The following DOCK3 variants were observed in gnomAD, a reference collection of about 807,000 sequenced individuals.
DOCK3 encodes the protein dedicator of cytokinesis protein 3.
Under a neutral mutation model 265.6 loss-of-function variants are expected in DOCK3, and 60 were observed. That is an observed-to-expected ratio of 0.23 (90% confidence interval 0.18 to 0.28). The LOEUF is 0.28. DOCK3 is among the 10% of genes least tolerant of loss of function. The probability of loss-of-function intolerance (pLI) is 1.00; values close to 1 mark genes in which losing one functional copy is unlikely to be tolerated. For missense variants in DOCK3, 1,981 were observed against 2,594.3 expected, an observed-to-expected ratio of 0.76 and a Z score of 5.14; for synonymous variants, 881 against 938.0, an observed-to-expected ratio of 0.94 and a Z score of 1.11.
chr3:51,333,293 G>C (rs1237923417), intron 35 of DOCK3, 40 bp downstream of exon 35: 1 of 1,586,168 alleles, frequency 6.3e-7, no homozygotes, highest in South Asian at 1.1e-5. Flanking sequence ...CCCTTGTCAG[G>C]ATACTCTCTC....
intron 5 of DOCK3, among the ~76,000 whole-genome samples, chr3:51,060,504 C>T (rs542307729): frequency 6.6e-6 from 1 of 152,240 alleles, no homozygotes; most frequent in African/African-American, 2.4e-5. Context: ...CCTAGGCTTT[C>T]TTCTAGGGTT....
chr3:51,205,797 G>A (rs1342130651), intron 12 of DOCK3, among the ~76,000 whole-genome samples: 1 of 152,174 alleles, frequency 6.6e-6, no homozygotes, highest in Non-Finnish European at 1.5e-5. Flanking sequence ...AGGAAGCATT[G>A]GTAATTGAAG....
chr3:51,018,513 A>T (rs1452381919), intron 5 of DOCK3, among the ~76,000 whole-genome samples: 1 of 150,886 alleles, frequency 6.6e-6, no homozygotes, highest in Admixed American at 6.6e-5. Flanking sequence ...ATTTGGGTAT[A>T]TCAGTACAGT....
chr3:51,289,977 A>G (rs2081639979), intron 27 of DOCK3, among the ~76,000 whole-genome samples: 1 of 152,204 alleles, frequency 6.6e-6, no homozygotes, highest in Non-Finnish European at 1.5e-5. Flanking sequence ...AATCAAAACC[A>G]CAATGAGATA....
chr3:50,676,176 T>A (rs1436400559), intron 1 of DOCK3, among the ~76,000 whole-genome samples: 1 of 152,238 alleles, frequency 6.6e-6, no homozygotes, highest in Non-Finnish European at 1.5e-5. Context: ...TGGAAAATTT[T>A]AGATAGGAAA....
chr3:50,786,501 C>T (rs556102611), intron 2 of DOCK3, among the ~76,000 whole-genome samples: 1 of 152,148 alleles, frequency 6.6e-6, no homozygotes, highest in Non-Finnish European at 1.5e-5. Context: ...CCATTTCTTT[C>T]TTTGCACACT....
intron 14 of DOCK3, among the ~76,000 whole-genome samples, chr3:51,217,186 G>GTCCT (rs1273599093): frequency 6.6e-6 from 1 of 151,892 alleles, no homozygotes; most frequent in Non-Finnish European, 1.5e-5. Context: ...GCCCAGATAG[G>GTCCT]TCCTTGTCAA....
rs528586203 is a variant in DOCK3 at position 51,199,964 on chromosome 3, G to T, written c.1038-8810G>T. Among the ~76,000 whole-genome samples, 6 of 152,308 alleles carry T rather than the reference G, an allele frequency of 3.9e-5. No homozygotes were observed. The South Asian group carries it at 1.2e-3, about 32-fold the overall frequency. On this transcript the variant is annotated intron_variant, in intron 12 of 52. Transcript: ENST00000266037. The stretch of plus-strand genomic sequence containing the variant: ...TCTAGCAAACTCCAACAGACCTGCA[G>T]CTGAGGGTCCCGTCTGTTAGAAGGA...
intron 2 of DOCK3, among the ~76,000 whole-genome samples, chr3:50,810,518 G>A (rs1442613761): frequency 1.3e-5 from 2 of 151,994 alleles, no homozygotes; most frequent in African/African-American, 4.8e-5. Flanking sequence ...ACTCCAGCCT[G>A]GGCAACAGAG....
At chr3:50,711,969 A>T (rs1314063356) in intron 1 of DOCK3, among the ~76,000 whole-genome samples, 1 of 152,072 alleles carries the variant, frequency 6.6e-6, no homozygotes, top group African/African-American at 2.4e-5. Context: ...GTTGTCCATA[A>T]TGTTCTTTTA....
intron 1 of DOCK3, among the ~76,000 whole-genome samples, chr3:50,708,208 C>T (rs996550301): frequency 3.3e-5 from 5 of 152,144 alleles, no homozygotes; most frequent in Non-Finnish European, 5.9e-5. Context: ...GGTCTCCAGG[C>T]ACCCTAAAGG....
intron 4 of DOCK3, 144 bp downstream of exon 4, chr3:50,890,225 G>A: frequency 3.5e-6 from 2 of 571,660 alleles, no homozygotes; most frequent in Non-Finnish European, 5.6e-6. Flanking sequence ...GTAATTTTGA[G>A]GGAATAATGT....
chr3:51,276,697 C>T (rs1560335099), intron 25 of DOCK3, among the ~76,000 whole-genome samples: 1 of 152,044 alleles, frequency 6.6e-6, no homozygotes, highest in Non-Finnish European at 1.5e-5. Context: ...ATCTCTCGTT[C>T]ACCTCTATAT....
intron 4 of DOCK3, among the ~76,000 whole-genome samples, chr3:50,926,099 A>T (rs1274072138): frequency 1.3e-5 from 2 of 152,018 alleles, no homozygotes; most frequent in East Asian, 3.9e-4. Context: ...TCCCAAAGTT[A>T]TAGCAGGCCA....
At chr3:51,096,793 C>G (rs576287167) in intron 9 of DOCK3, among the ~76,000 whole-genome samples, 1 of 152,192 alleles carries the variant, frequency 6.6e-6, no homozygotes, top group East Asian at 1.9e-4. Context: ...TACCTTTGAT[C>G]TTTGATGTTG....
chr3:50,869,005 C>T (rs1359226088), intron 3 of DOCK3, among the ~76,000 whole-genome samples: 5 of 127,110 alleles, frequency 3.9e-5, no homozygotes, highest in Non-Finnish European at 7.8e-5. Context: ...GGTGGAGTCT[C>T]GCTCTGTCGC....
At chr3:51,367,410 A>G (rs1463371540) in intron 49 of DOCK3, among the ~76,000 whole-genome samples, 1 of 152,150 alleles carries the variant, frequency 6.6e-6, no homozygotes, top group East Asian at 1.9e-4. Context: ...GGTCTCCTGA[A>G]TACAGCACAC....
intron 27 of DOCK3, among the ~76,000 whole-genome samples, chr3:51,288,893 T>G (rs538639480): frequency 2.0e-5 from 3 of 149,602 alleles, no homozygotes; most frequent in South Asian, 4.2e-4. Flanking sequence ...TGGGTGTGTG[T>G]GTGTGTGTGG....
chr3:51,089,673 C>A (rs1307630258), intron 8 of DOCK3, among the ~76,000 whole-genome samples: 1 of 151,900 alleles, frequency 6.6e-6, no homozygotes, highest in Non-Finnish European at 1.5e-5. Context: ...CATTGGGAGG[C>A]CAAGGCAGGT....
Sources: gnomAD v4.1 joint callset for allele counts (sites outside exome capture counted in the v4.1 genomes callset) on GRCh38, gnomAD v4.1.1 for gene constraint, MANE v1.5 for transcripts, NCBI Gene and HGNC (gene_info 2026-07-23, HGNC 2026-07-21) for gene names.